Variants in DGKZ observed in about 807,000 individuals in gnomAD.
DGKZ encodes the protein diacylglycerol kinase zeta, also known as DAG kinase zeta.
A neutral mutation model predicts 142.5 loss-of-function variants in DGKZ; 45 were observed. The ratio of observed to expected loss-of-function variants is 0.32; its 90% confidence interval spans 0.25 to 0.40. The LOEUF is 0.40. DGKZ is among the 10% of genes least tolerant of loss of function. DGKZ has a pLI of 1.00. For missense variants in DGKZ, 755 were observed against 1,306.5 expected, an observed-to-expected ratio of 0.58 and a Z score of 6.51; for synonymous variants, 442 against 527.0, an observed-to-expected ratio of 0.84 and a Z score of 2.21.
intron 24 of DGKZ, 65 bp from the exon 25 acceptor site, chr11:46,377,008 G>A (rs1944626516): frequency 6.9e-7 from 1 of 1,453,932 alleles, no homozygotes; most frequent in Admixed American, 1.7e-5. Context: ...AGGTCTACCA[G>A]CCTTGCTGCC....
At chr11:46,378,351 A>T (rs11038880) in intron 26 of DGKZ, 106 bp from the exon 27 acceptor site, 43 of 1,542,568 alleles carry the variant, frequency 2.8e-5, no homozygotes, top group Non-Finnish European at 3.7e-5. Flanking sequence ...TCACGCACCA[A>T]CGGAGCCCTG....
intron 25 of DGKZ, chr11:46,377,868 G>T: frequency 2.5e-6 from 1 of 396,172 alleles, no homozygotes; most frequent in Middle Eastern, 7.3e-4. Flanking sequence ...TCTCAGCTTG[G>T]CTGTTTCCTC....
upstream of DGKZ, among the ~76,000 whole-genome samples, chr11:46,344,363 A>C (rs528477428): frequency 1.3e-5 from 2 of 152,242 alleles, no homozygotes; most frequent in East Asian, 3.9e-4. Flanking sequence ...CCTGATGCAC[A>C]GAAGGCATTC....
exon 20 of DGKZ, chr11:46,375,450 G>A (rs753393231): frequency 8.9e-6 from 14 of 1,578,122 alleles, no homozygotes; most frequent in African/African-American, 1.3e-5. Flanking sequence ...GCAGGTGGGC[G>A]GACACGGCGA....
intron 9 of DGKZ, 137 bp from the exon 10 acceptor site, chr11:46,371,938 T>C: frequency 8.1e-7 from 1 of 1,228,416 alleles, no homozygotes; most frequent in Non-Finnish European, 1.2e-6. Flanking sequence ...TTCTGCTCTG[T>C]GGCCTGGTAA....
exon 1 of DGKZ, chr11:46,333,469 G>A: frequency 2.6e-6 from 4 of 1,539,376 alleles, no homozygotes; most frequent in Non-Finnish European, 3.5e-6. Context: ...CTGCACCTAC[G>A]AAAGCAGGTG....
intron 1 of DGKZ, among the ~76,000 whole-genome samples, chr11:46,333,914 G>C (rs1291930081): frequency 6.6e-6 from 1 of 152,128 alleles, no homozygotes; most frequent in Admixed American, 6.5e-5. Flanking sequence ...AAATGACTGA[G>C]AGGCTCCCTG....
At chr11:46,366,100 T>A in intron 1 of DGKZ, 1 of 1,387,746 alleles carries the variant, frequency 7.2e-7, no homozygotes, top group East Asian at 2.8e-5. Flanking sequence ...CAGGGGTTGC[T>A]TCCCTTCTCA....
At chr11:46,352,995 G>A (rs1941595079) in intron 1 of DGKZ, among the ~76,000 whole-genome samples, 1 of 152,242 alleles carries the variant, frequency 6.6e-6, no homozygotes, top group Non-Finnish European at 1.5e-5. Context: ...CAGAGACGTG[G>A]TTAGGTCGGG....
At chr11:46,360,293 A>G (rs915229045) in intron 1 of DGKZ, among the ~76,000 whole-genome samples, 4 of 152,112 alleles carry the variant, frequency 2.6e-5, no homozygotes, top group African/African-American at 9.7e-5. Context: ...AAGTATCTTA[A>G]ACATTTCTCA....
intron 1 of DGKZ, chr11:46,361,433 C>T (rs1007651708): frequency 9.7e-5 from 16 of 164,338 alleles, no homozygotes; most frequent in East Asian, 1.9e-4. Flanking sequence ...CACGCTCGTG[C>T]GCTGTGTGCC....
intron 6 of DGKZ, among the ~76,000 whole-genome samples, chr11:46,370,629 G>A (rs893648854): frequency 6.6e-6 from 1 of 152,218 alleles, no homozygotes; most frequent in Non-Finnish European, 1.5e-5. Context: ...GGCCTCGGGG[G>A]TAGGAAGGAG....
exon 28 of DGKZ, chr11:46,379,106 A>G: frequency 1.9e-6 from 3 of 1,608,030 alleles, no homozygotes; most frequent in Non-Finnish European, 2.5e-6. Flanking sequence ...TACCTGCTGG[A>G]CCACGGTGAG....
In DGKZ at chr11:46,378,191, G is replaced by A. The variant is rs369155259; in HGVS notation, c.2343-7G>A. 2 of 1,609,072 alleles carry A rather than the reference G, an allele frequency of 1.2e-6. No homozygotes were observed. The highest frequency in any genetic ancestry group is 1.3e-5 in the African/African-American group (1 of 74,900). On this transcript the variant is annotated splice_polypyrimidine_tract_variant and splice_region_variant and intron_variant, in intron 25 of 30. Coordinates refer to ENST00000527911, the Ensembl canonical transcript of DGKZ. The stretch of plus-strand genomic sequence containing the variant: ...AGCCGGTCACAGCACATCATGCTCT[G>A]TTGCAGGTCACTGCAAGGGGATGCT...
At chr11:46,379,397 G>C (rs1944953894) in intron 29 of DGKZ, 72 bp from the exon 30 acceptor site, 5 of 1,575,946 alleles carry the variant, frequency 3.2e-6, no homozygotes, top group Admixed American at 1.8e-5. Flanking sequence ...TGCCCTTTCT[G>C]ATGGCCCTTG....
Position 46,371,482 on chromosome 11 carries a change from C to A in DGKZ, c.643-5C>A. Reference sequence around the variant, plus strand: ...CCGCTGAGCCCGGCCCCTCGCTCTCCTCAGTACCACAGCAAGGTGTCCTGC... The same window carrying A: ...CCGCTGAGCCCGGCCCCTCGCTCTCATCAGTACCACAGCAAGGTGTCCTGC... On this transcript the variant is annotated splice_region_variant and splice_polypyrimidine_tract_variant and intron_variant, in intron 7 of 30. Transcript: ENST00000527911. 1 of 1,602,806 alleles carries A rather than the reference C, an allele frequency of 6.2e-7. No homozygotes were observed. The highest frequency in any genetic ancestry group is 1.1e-5 in the South Asian group (1 of 89,420).
At chr11:46,371,815 G>GAGA in intron 9 of DGKZ, 40 bp downstream of exon 9, 1 of 1,596,826 alleles carries the variant, frequency 6.3e-7, no homozygotes, top group South Asian at 1.1e-5. Context: ...GGGAGCAGGA[G>GAGA]AGAGGGGTCT....
In DGKZ at chr11:46,333,135, C is replaced by T. The variant is rs1310986762; in HGVS notation, c.-141C>T. 1.1e-5 allele frequency: 7 copies of T among 659,798 alleles called. No homozygotes were observed. The South Asian group carries it at 3.1e-4, about 29-fold the overall frequency. The allele number at this position is 659,798 out of a possible 1,614,324, so 40.9% of individuals were successfully genotyped here. ...CATCTCGCTGCTCCTGTCGTCTAAG[C>T]GTCGGCGTCGCTAGGGACCTGCGGA... On this transcript the variant is annotated 5_prime_UTR_variant, in exon 1 of 31. Coordinates refer to the DGKZ transcript ENST00000343674.
At position 46,375,641 on chromosome 11, in the gene DGKZ, A is replaced by G; in HGVS notation, c.1910+10A>G. 3 of 1,547,574 alleles carry G rather than the reference A, an allele frequency of 1.9e-6. No homozygotes were observed. Among genetic ancestry groups the G allele is most frequent in the Non-Finnish European group, 1.7e-6 (2 of 1,151,874 alleles). The stretch of plus-strand genomic sequence containing the variant: ...CCCCCCTGCACAGCGAGTACGTCCC[A>G]CCCTGCCACGTGCCCTGGGTGCCAA... On this transcript the variant is annotated intron_variant, in intron 20 of 30. Coordinates refer to ENST00000527911, the Ensembl canonical transcript of DGKZ.
Sources: gnomAD v4.1 joint callset for allele counts (sites outside exome capture counted in the v4.1 genomes callset) on GRCh38, gnomAD v4.1.1 for gene constraint, MANE v1.5 for transcripts, NCBI Gene and HGNC (gene_info 2026-07-23, HGNC 2026-07-21) for gene names.